The following FHIT variants were observed in gnomAD, a reference collection of about 807,000 sequenced individuals.
FHIT encodes fragile histidine triad diadenosine triphosphatase.
Under a neutral mutation model 17.9 loss-of-function variants are expected in FHIT, and 19 were observed. The observed-to-expected ratio is 1.06, with a 90% CI of 0.74 to 1.56. The LOEUF is 1.56. Among genes scored for constraint, FHIT ranks in the 40% most tolerant of loss-of-function variants. FHIT has a pLI of 0.00. For synonymous variants in FHIT, 81 were observed against 69.7 expected, an observed-to-expected ratio of 1.16 and a Z score of -0.81; for missense variants, 248 against 189.2, an observed-to-expected ratio of 1.31 and a Z score of -1.82.
At chr3:60,092,128 C>T (rs1166293935) in intron 5 of FHIT, among the ~76,000 whole-genome samples, 1 of 152,094 alleles carries the variant, frequency 6.6e-6, no homozygotes, top group Non-Finnish European at 1.5e-5. Context: ...AACAGTAACC[C>T]CTCTCAGAAG....
chr3:60,065,904 G>A (rs770509343), intron 5 of FHIT, among the ~76,000 whole-genome samples: 9 of 152,052 alleles, frequency 5.9e-5, no homozygotes, highest in East Asian at 1.9e-4. Context: ...TCTTCCTACC[G>A]TGAATTTGAT....
chr3:61,099,636 G>C (rs1250370802), intron 2 of FHIT, among the ~76,000 whole-genome samples: 1 of 152,088 alleles, frequency 6.6e-6, no homozygotes, highest in East Asian at 1.9e-4. Flanking sequence ...TCCTGATTCA[G>C]TCTTGGGTGG....
At chr3:61,138,919 G>A (rs1161765387) in intron 2 of FHIT, among the ~76,000 whole-genome samples, 1 of 151,892 alleles carries the variant, frequency 6.6e-6, no homozygotes, top group Admixed American at 6.6e-5. Context: ...CCAACCAAAT[G>A]AAATCAGCTG....
intron 5 of FHIT, among the ~76,000 whole-genome samples, chr3:60,192,722 A>T (rs1266675954): frequency 6.6e-6 from 1 of 151,828 alleles, no homozygotes; most frequent in Non-Finnish European, 1.5e-5. Context: ...TTCACCCCAC[A>T]CTCTGAGTCC....
intron 5 of FHIT, among the ~76,000 whole-genome samples, chr3:60,281,211 ATAGATATTC>A (rs1180779353): frequency 6.6e-6 from 1 of 152,158 alleles, no homozygotes; most frequent in Non-Finnish European, 1.5e-5. Context: ...AAATAAACGA[ATAGATATTC>A]TGTGTTCATG....
chr3:60,910,791 T>C (rs1706703342), intron 3 of FHIT, among the ~76,000 whole-genome samples: 1 of 152,176 alleles, frequency 6.6e-6, no homozygotes, highest in Admixed American at 6.5e-5. Flanking sequence ...GTATGAGCTT[T>C]GGGCCACAAA....
At chr3:59,849,888 T>C (rs1009566404) in intron 8 of FHIT, among the ~76,000 whole-genome samples, 2 of 152,220 alleles carry the variant, frequency 1.3e-5, no homozygotes, top group African/African-American at 4.8e-5. Context: ...TTATAAGGTA[T>C]ATGTTCAGCT....
chr3:60,245,855 A>G (rs1185022549), intron 5 of FHIT, among the ~76,000 whole-genome samples: 2 of 152,110 alleles, frequency 1.3e-5, no homozygotes, highest in Non-Finnish European at 2.9e-5. Flanking sequence ...CATTAACAAG[A>G]ACTGGAAAAA....
At chr3:60,682,689 T>C (rs1337739280) in intron 4 of FHIT, among the ~76,000 whole-genome samples, 1 of 152,220 alleles carries the variant, frequency 6.6e-6, no homozygotes, top group African/African-American at 2.4e-5. Context: ...GAAATGAATG[T>C]TGTTTTCATG....
chr3:60,435,566 G>C (rs117648780), intron 5 of FHIT, among the ~76,000 whole-genome samples: 1 of 152,152 alleles, frequency 6.6e-6, no homozygotes, highest in East Asian at 1.9e-4. Context: ...GCACATAAAA[G>C]CTTAGGCCTT....
chr3:60,691,478 A>G (rs782161110), intron 4 of FHIT, among the ~76,000 whole-genome samples: 3 of 151,212 alleles, frequency 2.0e-5, no homozygotes, highest in Admixed American at 1.3e-4. Flanking sequence ...CAGGTGATCT[A>G]CCCACCTCAG....
At chr3:60,920,427 T>C (rs929626070) in intron 3 of FHIT, among the ~76,000 whole-genome samples, 36 of 152,090 alleles carry the variant, frequency 2.4e-4, no homozygotes, top group African/African-American at 7.5e-4. Context: ...TTCAAAGGCA[T>C]ACAAAGAAGG....
intron 5 of FHIT, among the ~76,000 whole-genome samples, chr3:60,341,173 G>A (rs968670849): frequency 1.2e-4 from 18 of 152,130 alleles, no homozygotes; most frequent in Middle Eastern, 3.2e-3. Context: ...GGATGACTGC[G>A]TTCTCATTCC....
intron 1 of FHIT, among the ~76,000 whole-genome samples, chr3:61,228,497 G>A (rs1227305319): frequency 6.6e-6 from 1 of 152,034 alleles, no homozygotes; most frequent in Non-Finnish European, 1.5e-5. Context: ...CTTCATCTTT[G>A]GGTCTTCATT....
intron 5 of FHIT, among the ~76,000 whole-genome samples, chr3:60,499,495 G>C (rs150177074): frequency 0.037 from 5,683 of 152,062 alleles, 354 homozygotes; most frequent in African/African-American, 0.13. Flanking sequence ...GGGTTCACGC[G>C]ACTCTCCTGC....
intron 4 of FHIT, among the ~76,000 whole-genome samples, chr3:60,748,236 A>T (rs1350269364): frequency 6.6e-6 from 1 of 152,198 alleles, no homozygotes; most frequent in African/African-American, 2.4e-5. Flanking sequence ...GGACAAAAAA[A>T]CTTTTCCTTT....
At chr3:61,141,744 T>C (rs2037087312) in intron 2 of FHIT, among the ~76,000 whole-genome samples, 1 of 151,642 alleles carries the variant, frequency 6.6e-6, no homozygotes, top group African/African-American at 2.4e-5. Flanking sequence ...TATAGCTTCT[T>C]CAATTGGCTG....
At chr3:60,178,208 G>C (rs1701769002) in intron 5 of FHIT, among the ~76,000 whole-genome samples, 1 of 152,144 alleles carries the variant, frequency 6.6e-6, no homozygotes, top group African/African-American at 2.4e-5. Context: ...CAGTGCACAT[G>C]ACCTATGGCC....
chr3:60,645,498 CTACTT>C (rs1375729346), intron 4 of FHIT, among the ~76,000 whole-genome samples: 2 of 152,170 alleles, frequency 1.3e-5, no homozygotes, highest in African/African-American at 4.8e-5. Flanking sequence ...ATAGTACACT[CTACTT>C]TTTCTCCCAA....
Sources: allele counts gnomAD v4.1 joint callset (sites outside exome capture counted in the v4.1 genomes callset), GRCh38; gene constraint gnomAD v4.1.1; transcripts MANE v1.5; gene names NCBI Gene and HGNC (gene_info 2026-07-23, HGNC 2026-07-21).